The following FAF1 variants were observed in gnomAD, a reference collection of about 807,000 sequenced individuals.
FAF1 encodes the protein FAS-associated factor 1.
FAF1 carries 25 observed loss-of-function variants against 92.5 expected under a neutral mutation model. The observed-to-expected ratio is 0.27, with a 90% CI of 0.20 to 0.38. FAF1 has a LOEUF of 0.38. Among genes scored for constraint, FAF1 ranks in the 10% least tolerant of loss-of-function variants. The probability of loss-of-function intolerance (pLI) is 1.00; values close to 1 mark genes in which losing one functional copy is unlikely to be tolerated. For synonymous variants in FAF1, 234 were observed against 273.2 expected, an observed-to-expected ratio of 0.86 and a Z score of 1.42; for missense variants, 636 against 793.3, an observed-to-expected ratio of 0.80 and a Z score of 2.38.
chr1:50,915,267 G>A (rs1644911584), intron 1 of FAF1, among the ~76,000 whole-genome samples: 1 of 151,962 alleles, frequency 6.6e-6, no homozygotes, highest in African/African-American at 2.4e-5. Flanking sequence ...CTACTTGGGA[G>A]GCTGAGGCAC....
intron 6 of FAF1, among the ~76,000 whole-genome samples, chr1:50,733,029 G>A (rs1475390971): frequency 2.0e-5 from 3 of 151,376 alleles, no homozygotes; most frequent in African/African-American, 2.4e-5. Flanking sequence ...TCTCTGTGTC[G>A]TCACCTCACC....
intron 15 of FAF1, among the ~76,000 whole-genome samples, chr1:50,524,444 C>A (rs1234103770): frequency 6.6e-6 from 1 of 152,168 alleles, no homozygotes; most frequent in Non-Finnish European, 1.5e-5. Flanking sequence ...GCATTTTTGT[C>A]ATGAAGGCTT....
Position 50,788,213 on chromosome 1 carries a change from G to T in FAF1, c.162-8C>A. The T allele has an allele frequency of 6.2e-7, 1 of 1,609,864 alleles. No individual in the cohort carries two copies. Among genetic ancestry groups the T allele is most frequent in the Non-Finnish European group, 8.5e-7 (1 of 1,176,196 alleles). On this transcript the variant is annotated splice_polypyrimidine_tract_variant and splice_region_variant and intron_variant, in intron 3 of 18. Transcript: ENST00000396153. The stretch of plus-strand genomic sequence containing the variant: ...GTCTCACCTCCATATTCACTAAAAT[G>T]TTGACATAAAAGAAGGATTATTGTC...
chr1:50,832,619 CA>C (rs1252057980), intron 2 of FAF1, among the ~76,000 whole-genome samples: 3 of 152,170 alleles, frequency 2.0e-5, no homozygotes, highest in African/African-American at 7.2e-5. Context: ...AGAAAATCCT[CA>C]AAACCAAAAC....
At chr1:50,572,379 T>A (rs1015830868) in intron 12 of FAF1, among the ~76,000 whole-genome samples, 5 of 152,214 alleles carry the variant, frequency 3.3e-5, no homozygotes, top group African/African-American at 1.2e-4. Flanking sequence ...ACATTTAATA[T>A]TGTTACAATA....
At chr1:50,819,804 T>C (rs1039745390) in intron 2 of FAF1, among the ~76,000 whole-genome samples, 1 of 128,562 alleles carries the variant, frequency 7.8e-6, no homozygotes, top group South Asian at 2.3e-4. Context: ...TATATATACA[T>C]ATATATATAT....
chr1:50,884,335 G>A (rs957871479), intron 1 of FAF1, among the ~76,000 whole-genome samples: 6 of 150,362 alleles, frequency 4.0e-5, no homozygotes, highest in South Asian at 2.1e-4. Flanking sequence ...GCCAACAGGC[G>A]AAACCCTGCC....
chr1:50,784,234 T>C (rs1661284562), intron 4 of FAF1, among the ~76,000 whole-genome samples: 1 of 151,682 alleles, frequency 6.6e-6, no homozygotes, highest in South Asian at 2.1e-4. Flanking sequence ...AAGGAAGAAA[T>C]ACAACTATCT....
chr1:50,821,995 G>T (rs1413881787), intron 2 of FAF1, among the ~76,000 whole-genome samples: 1 of 151,864 alleles, frequency 6.6e-6, no homozygotes, highest in Non-Finnish European at 1.5e-5. Context: ...AAGTGGGTAG[G>T]TTAACAGCCC....
At chr1:50,908,897 G>T (rs1644861264) in intron 1 of FAF1, among the ~76,000 whole-genome samples, 1 of 152,176 alleles carries the variant, frequency 6.6e-6, no homozygotes, top group Non-Finnish European at 1.5e-5. Flanking sequence ...ATTGTTATGT[G>T]TGAATTTGAT....
At chr1:50,644,772 A>G (rs1460133335) in intron 8 of FAF1, among the ~76,000 whole-genome samples, 1 of 152,100 alleles carries the variant, frequency 6.6e-6, no homozygotes, top group Non-Finnish European at 1.5e-5. Context: ...AGAGAGGGGG[A>G]AAATCCCAAA....
intron 5 of FAF1, among the ~76,000 whole-genome samples, chr1:50,742,406 G>C (rs1282004262): frequency 4.0e-5 from 6 of 151,748 alleles, no homozygotes; most frequent in Admixed American, 6.6e-5. Context: ...GCGGGGGAGA[G>C]AGACTCTTGC....
intron 4 of FAF1, among the ~76,000 whole-genome samples, chr1:50,787,140 T>C (rs370129708): frequency 2.0e-5 from 3 of 152,250 alleles, no homozygotes; most frequent in African/African-American, 7.2e-5. Context: ...AGTTAAACTA[T>C]AGTAACTTGG....
intron 8 of FAF1, among the ~76,000 whole-genome samples, chr1:50,633,824 T>C (rs1392836753): frequency 6.6e-6 from 1 of 152,240 alleles, no homozygotes; most frequent in Non-Finnish European, 1.5e-5. Flanking sequence ...GTTTGATATG[T>C]AACTGCCACT....
At chr1:50,867,900 T>G (rs1570075807) in intron 1 of FAF1, among the ~76,000 whole-genome samples, 1 of 152,110 alleles carries the variant, frequency 6.6e-6, no homozygotes, top group Non-Finnish European at 1.5e-5. Flanking sequence ...CAGCACAATT[T>G]GCAATTACAA....
chr1:50,952,989 T>C (rs994000585), intron 1 of FAF1, among the ~76,000 whole-genome samples: 1 of 152,230 alleles, frequency 6.6e-6, no homozygotes, highest in African/African-American at 2.4e-5. Flanking sequence ...GAGATGGGAT[T>C]GTTGCTGTGT....
intron 8 of FAF1, among the ~76,000 whole-genome samples, chr1:50,620,907 C>T (rs1339627455): frequency 1.3e-5 from 2 of 152,254 alleles, no homozygotes; most frequent in African/African-American, 4.8e-5. Context: ...GGTGCCCCCT[C>T]CAGTCACTGG....
chr1:50,463,194 G>A (rs1646454012), intron 18 of FAF1, among the ~76,000 whole-genome samples: 1 of 152,190 alleles, frequency 6.6e-6, no homozygotes. Context: ...GTCCCTATAA[G>A]CTTCCTTGGT....
intron 13 of FAF1, among the ~76,000 whole-genome samples, chr1:50,557,198 G>A (rs1649630357): frequency 6.6e-6 from 1 of 152,130 alleles, no homozygotes; most frequent in South Asian, 2.1e-4. Flanking sequence ...GACTTTCTTG[G>A]TGCTGATCAT....
Sources: allele counts gnomAD v4.1 joint callset (sites outside exome capture counted in the v4.1 genomes callset), GRCh38; gene constraint gnomAD v4.1.1; transcripts MANE v1.5; gene names NCBI Gene and HGNC (gene_info 2026-07-23, HGNC 2026-07-21).